Variants in PRPF38A observed in about 807,000 individuals in gnomAD.
The protein encoded by PRPF38A is pre-mRNA processing factor 38A.
In PRPF38A, 11 loss-of-function variants were observed where a neutral mutation model predicts 46.8. The ratio of observed to expected loss-of-function variants is 0.24; its 90% CI spans 0.15 to 0.39. The LOEUF is 0.39. PRPF38A is among the 10% of genes least tolerant of loss of function. PRPF38A has a pLI of 1.00. For synonymous variants in PRPF38A, 124 were observed against 136.2 expected (o/e 0.91, Z 0.62); for missense variants, 261 against 407.5 (o/e 0.64, Z 3.10).
intron 3 of PRPF38A, among the ~76,000 whole-genome samples, chr1:52,409,947 C>A (rs1417351881): frequency 6.6e-6 from 1 of 151,656 alleles, no homozygotes; most frequent in Non-Finnish European, 1.5e-5. Flanking sequence ...CAAAATTGCC[C>A]ATGGTTGAGA....
chr1:52,415,878 T>C (rs1321433151), intron 9 of PRPF38A, among the ~76,000 whole-genome samples: 6 of 136,330 alleles, frequency 4.4e-5, no homozygotes, highest in Non-Finnish European at 9.3e-5. Flanking sequence ...AGTCTCGCTC[T>C]GTCTCCCAGG....
intron 2 of PRPF38A, among the ~76,000 whole-genome samples, 176 bp downstream of exon 2, chr1:52,406,015 GTCTC>G (rs1385841834): frequency 6.6e-6 from 1 of 152,144 alleles, no homozygotes. Flanking sequence ...TGGAAACAGA[GTCTC>G]TCTGTGTTGC....
intron 2 of PRPF38A, among the ~76,000 whole-genome samples, chr1:52,407,665 A>G (rs1648036398): frequency 6.6e-6 from 1 of 152,198 alleles, no homozygotes; most frequent in African/African-American, 2.4e-5. Context: ...TCACACCTGT[A>G]ATCCCAGCAC....
chr1:52,411,195 C>G lies in PRPF38A; in HGVS notation c.493C>G (p.Leu165Val). The change falls in exon 4 of 10, where the codon CTA becomes GTA. Residue 165 changes from leucine to valine, a missense_variant. Leu to Val is a conservative substitution (Grantham distance 32). This residue lies in a region of PRPF38A where 180 missense variants were observed against 221.0 expected (regional missense o/e 0.81). Coordinates refer to ENST00000257181, the MANE Select transcript of PRPF38A (RefSeq NM_032864.4). ...ERVCDIILPRLQKRYVLEEAE... is the reference protein window; with the variant it reads ...ERVCDIILPRVQKRYVLEEAE... ...AGTCTGTGATATCATTCTGCCCCGA[C>G]TACAGGTAAGAAATAAAAGTCTGTT... The G allele has an allele frequency of 6.2e-7, 1 of 1,610,892 alleles. No homozygotes were observed. The highest frequency in any genetic ancestry group is 8.5e-7 in the Non-Finnish European group (1 of 1,177,412).
intron 9 of PRPF38A, 72 bp from the exon 10 acceptor site, chr1:52,416,576 T>C: frequency 8.2e-7 from 1 of 1,218,162 alleles, no homozygotes; most frequent in Non-Finnish European, 1.2e-6. Flanking sequence ...CCCAAAGTGC[T>C]GGGATTACAG....
At chr1:52,405,612 G>T in intron 1 of PRPF38A, 68 bp from the exon 2 acceptor site, 1 of 1,494,958 alleles carries the variant, frequency 6.7e-7, no homozygotes, top group South Asian at 1.2e-5. Flanking sequence ...ACCAAAGCTT[G>T]AACTAACTCC....
At chr1:52,415,914 C>T (rs1045317228) in intron 9 of PRPF38A, among the ~76,000 whole-genome samples, 1 of 136,600 alleles carries the variant, frequency 7.3e-6, no homozygotes, top group Non-Finnish European at 1.5e-5. Context: ...GCAATCTCGG[C>T]TCACTGCAAG....
In PRPF38A at chr1:52,419,299, T is replaced by C. The variant is rs1334765654; in HGVS notation, c.*2609T>C. ...TGAACCTGGGAGGCAGAGGATGCGGTGAGCTGAGATCGTGCCACTGCACTT... is the reference window on the plus strand; with the variant it reads ...TGAACCTGGGAGGCAGAGGATGCGGCGAGCTGAGATCGTGCCACTGCACTT... On this transcript the variant is annotated 3_prime_UTR_variant, in exon 10 of 10. Coordinates refer to ENST00000257181, the MANE Select transcript of PRPF38A (RefSeq NM_032864.4). 1.3e-5 allele frequency: 2 copies of C among 149,774 alleles called. No homozygotes were observed. Among genetic ancestry groups the C allele is most frequent in the African/African-American group, 5.0e-5 (2 of 40,400 alleles). The allele number at this position is 149,774 out of a possible 1,614,324, so 9.3% of individuals were successfully genotyped here. A position where few individuals can be genotyped will look rare whatever the true frequency, so the allele number is the denominator to read the frequency against.
chr1:52,411,085 G>C, intron 3 of PRPF38A, 30 bp from the exon 4 acceptor site: 2 of 1,529,756 alleles, frequency 1.3e-6, no homozygotes, highest in Non-Finnish European at 1.8e-6. Context: ...TTATTTCCAG[G>C]TTGTTTGCTC....
intron 3 of PRPF38A, among the ~76,000 whole-genome samples, chr1:52,410,212 G>A (rs1303088526): frequency 6.7e-6 from 1 of 148,220 alleles, no homozygotes; most frequent in African/African-American, 2.5e-5. Flanking sequence ...TGAGGCAGCA[G>A]AATTGCTTGA....
Position 52,416,849 on chromosome 1 carries a change from T to C in PRPF38A, c.*159T>C. On this transcript the variant is annotated 3_prime_UTR_variant, in exon 10 of 10. Transcript: ENST00000257181. ...TTTTTAATGAAGGAGGTGCTGAGTT[T>C]TGTATCTTTTTAATCATAATCAACA... The C allele has an allele frequency of 1.6e-6, 1 of 642,648 alleles. No individual in the cohort carries two copies. Among genetic ancestry groups the C allele is most frequent in the East Asian group, 2.8e-5 (1 of 35,394 alleles). 39.8% of individuals were successfully genotyped at this position (642,648 alleles called of 1,614,324 possible). A position where few individuals can be genotyped will look rare whatever the true frequency, so the allele number is the denominator to read the frequency against.
Position 52,416,869 on chromosome 1 carries a change from TCAA to T in PRPF38A, c.*182_*184del, listed in dbSNP as rs1405967544. On this transcript the variant is annotated 3_prime_UTR_variant, in exon 10 of 10. Coordinates refer to ENST00000257181, the MANE Select transcript of PRPF38A (RefSeq NM_032864.4). ...GAGTTTTGTATCTTTTTAATCATAA[TCAA>T]CATCAGTTTTTGACCCAACTAACCT... 39 of 612,940 alleles carry T rather than the reference TCAA, an allele frequency of 6.4e-5. No individual in the cohort carries two copies. The East Asian group carries it at 1.1e-3, about 17-fold the overall frequency. 38.0% of individuals were successfully genotyped at this position (612,940 alleles called of 1,614,324 possible).
Position 52,414,849 on chromosome 1 carries a change from C to G in PRPF38A, c.837C>G (p.Ser279=), listed in dbSNP as rs769256832. ...RSRDRRHRSR[S]KSPGHHRSHR... is the part of the protein sequence containing the mutation. ...GAGATCGGCGGCACAGATCCCGTTCCAAGTCCCCAGGTAAAGCTTGTGGGC... is the reference window on the plus strand; with the variant it reads ...GAGATCGGCGGCACAGATCCCGTTCGAAGTCCCCAGGTAAAGCTTGTGGGC... The change falls in exon 8 of 10, where the codon TCC becomes TCG. Residue 279 remains serine, a synonymous_variant. Transcript: ENST00000257181. 2.5e-6 allele frequency: 4 copies of G among 1,614,018 alleles called. No individual in the cohort carries two copies. The South Asian group carries it at 4.4e-5, about 18-fold the overall frequency.
rs544338146 is a variant in PRPF38A, at chr1:52,414,126, A to C, written c.722+135A>C. 7.0e-5 allele frequency: 44 copies of C among 629,834 alleles called. 1 individual carries two copies. Among genetic ancestry groups the C allele is most frequent in the South Asian group, 2.5e-4 (13 of 51,140 alleles). The allele number at this position is 629,834 out of a possible 1,614,324, so 39.0% of individuals were successfully genotyped here. A position where few individuals can be genotyped will look rare whatever the true frequency, so the allele number is the denominator to read the frequency against. On this transcript the variant is annotated intron_variant, in intron 6 of 9. Transcript: ENST00000257181. The stretch of plus-strand genomic sequence containing the variant: ...TATTAGTTATCTGTTGCTGCAAAAC[A>C]ACCACCTATAAAACCTCATTGGCAG...
chr1:52,405,565 T>C (rs2147952938), intron 1 of PRPF38A, 115 bp from the exon 2 acceptor site: 3 of 898,756 alleles, frequency 3.3e-6, no homozygotes, highest in Non-Finnish European at 5.3e-6. Flanking sequence ...ACACATTCGT[T>C]CTCCTAATAT....
chr1:52,407,738 TG>T (rs1260411894), intron 2 of PRPF38A, among the ~76,000 whole-genome samples: 2 of 152,060 alleles, frequency 1.3e-5, no homozygotes, highest in Non-Finnish European at 2.9e-5. Context: ...CTGGCCAACA[TG>T]GGGAAACCCC....
intron 2 of PRPF38A, among the ~76,000 whole-genome samples, chr1:52,407,411 A>G (rs1569973817): frequency 6.6e-6 from 1 of 152,062 alleles, no homozygotes; most frequent in African/African-American, 2.4e-5. Flanking sequence ...CTTTCAATGC[A>G]TTTCTTGTTT....
rs1042489740 is a variant in PRPF38A at position 52,417,851 on chromosome 1, TAGG to T, written c.*1164_*1166del. The T allele has an allele frequency of 3.3e-5, 5 of 152,136 alleles. No homozygotes were observed. Among genetic ancestry groups the T allele is most frequent in the Non-Finnish European group, 5.9e-5 (4 of 67,986 alleles). The allele number at this position is 152,136 out of a possible 1,614,324, so 9.4% of individuals were successfully genotyped here. A position where few individuals can be genotyped will look rare whatever the true frequency, so the allele number is the denominator to read the frequency against. On this transcript the variant is annotated 3_prime_UTR_variant, in exon 10 of 10. Coordinates refer to ENST00000257181, the MANE Select transcript of PRPF38A (RefSeq NM_032864.4). ...GGCCCATTCAGAAAGACAGGAGAATTAGGAGAGAGTGAGTGAAAGAAGCCAAGG... is the reference window on the plus strand; with the variant it reads ...GGCCCATTCAGAAAGACAGGAGAATTAGAGAGTGAGTGAAAGAAGCCAAGG...
rs145450452 is a variant in PRPF38A, at chr1:52,411,701, C to G, written c.498+501C>G. On this transcript the variant is annotated intron_variant, in intron 4 of 9. Transcript: ENST00000257181. ...TGAGCCATTAATTCCTTAAACTTGC[C>G]TTCACCATCCTGCTTCCCTTTCCTA... 5.9e-4 allele frequency among the ~76,000 whole-genome samples: 90 copies of G among 152,242 alleles called. 2 individuals are homozygous for G. In the East Asian group the frequency reaches 0.016, roughly 27 times the overall value.
Sources: gnomAD v4.1 joint callset for allele counts (sites outside exome capture counted in the v4.1 genomes callset) on GRCh38, gnomAD v4.1.1 for gene constraint, gnomAD v4.1.1 regional missense constraint, MANE v1.5 for transcripts, NCBI Gene and HGNC (gene_info 2026-07-23, HGNC 2026-07-21) for gene names.